CORIN: variants seen among roughly 807,000 people sequenced by gnomAD.
CORIN encodes corin, serine peptidase.
A neutral mutation model predicts 125.3 loss-of-function variants in CORIN; 117 were observed. The observed-to-expected ratio is 0.93, with a 90% CI of 0.80 to 1.09. The LOEUF (loss-of-function observed/expected upper bound fraction) is 1.09. Among genes scored for constraint, CORIN ranks in the 50% least tolerant of loss-of-function variants. CORIN has a pLI of 0.00. For missense variants in CORIN, 1,253 were observed against 1,306.7 expected, an observed-to-expected ratio of 0.96 and a Z score of 0.63; for synonymous variants, 450 against 466.4, an observed-to-expected ratio of 0.96 and a Z score of 0.45.
In CORIN at chr4:47,763,520, A is replaced by C. The variant is rs763610826; in HGVS notation, c.476T>G (p.Leu159Arg). ...MLPYHATLTPLLSVVRNMEME... is the reference protein window; with the variant it reads ...MLPYHATLTPRLSVVRNMEME... Reference sequence around the variant, plus strand: ...TTCCATGTTTCTGACAACTGAGAGGAGAGGTGTCAGCGTGGCGTGGTAGGG... The same window carrying C: ...TTCCATGTTTCTGACAACTGAGAGGCGAGGTGTCAGCGTGGCGTGGTAGGG... The change falls in exon 4 of 22, where the codon CTC (leucine) becomes CGC (arginine). Residue 159 changes from leucine (L) to arginine (R), a missense_variant. Transcript: ENST00000273857. 5 of 1,614,152 alleles carry C rather than the reference A, an allele frequency of 3.1e-6. No individual in the cohort carries two copies. The East Asian group carries it at 1.1e-4, about 36-fold the overall frequency.
chr4:47,695,531 T>A (rs1302913197), intron 5 of CORIN, among the ~76,000 whole-genome samples: 3 of 152,188 alleles, frequency 2.0e-5, no homozygotes, highest in African/African-American at 7.2e-5. Context: ...CAGCACAGCT[T>A]GCATTGTTTT....
intron 5 of CORIN, among the ~76,000 whole-genome samples, chr4:47,708,130 C>A (rs773780912): frequency 2.6e-5 from 4 of 152,064 alleles, no homozygotes; most frequent in African/African-American, 9.7e-5. Context: ...TCAAGAGGGC[C>A]GTATTAGTTT....
intron 16 of CORIN, among the ~76,000 whole-genome samples, chr4:47,630,463 A>C (rs566101191): frequency 6.6e-6 from 1 of 152,284 alleles, no homozygotes; most frequent in Admixed American, 6.5e-5. Context: ...TAGAAAGCAA[A>C]AGAGAAAATT....
intron 3 of CORIN, among the ~76,000 whole-genome samples, chr4:47,780,710 A>G (rs1436647488): frequency 1.3e-5 from 2 of 152,144 alleles, no homozygotes; most frequent in African/African-American, 4.8e-5. Context: ...TGATATAACT[A>G]TTTTGGAACT....
intron 13 of CORIN, among the ~76,000 whole-genome samples, chr4:47,651,484 G>A (rs1723729267): frequency 1.3e-5 from 2 of 152,176 alleles, no homozygotes; most frequent in African/African-American, 4.8e-5. Flanking sequence ...TTGAAGTGGT[G>A]TGTCCTCCCA....
chr4:47,652,346 T>C (rs189263185), intron 13 of CORIN, among the ~76,000 whole-genome samples: 4 of 152,316 alleles, frequency 2.6e-5, no homozygotes, highest in Non-Finnish European at 5.9e-5. Flanking sequence ...AGAAGGGCAA[T>C]GTTTACCACC....
At chr4:47,757,934 G>A (rs1443815850) in intron 4 of CORIN, among the ~76,000 whole-genome samples, 2 of 144,832 alleles carry the variant, frequency 1.4e-5, no homozygotes, top group African/African-American at 5.3e-5. Context: ...ATATATTTGA[G>A]ACAGAGTCTC....
intron 2 of CORIN, among the ~76,000 whole-genome samples, chr4:47,792,444 A>C (rs889886502): frequency 1.3e-5 from 2 of 152,234 alleles, no homozygotes; most frequent in African/African-American, 4.8e-5. Flanking sequence ...GTGAGAAAAG[A>C]GTAAGGCCTT....
intron 21 of CORIN, among the ~76,000 whole-genome samples, chr4:47,599,911 G>C (rs1420007496): frequency 6.6e-6 from 1 of 152,146 alleles, no homozygotes; most frequent in African/African-American, 2.4e-5. Flanking sequence ...ATTTATCCTA[G>C]CCACTAAAAT....
At chr4:47,722,733 G>T (rs1727408986) in intron 5 of CORIN, among the ~76,000 whole-genome samples, 1 of 152,136 alleles carries the variant, frequency 6.6e-6, no homozygotes, top group Non-Finnish European at 1.5e-5. Flanking sequence ...TGAAACGTGG[G>T]ATTCTAAGAT....
chr4:47,695,905 A>G (rs1725973603), intron 5 of CORIN, among the ~76,000 whole-genome samples: 1 of 152,202 alleles, frequency 6.6e-6, no homozygotes, highest in South Asian at 2.1e-4. Flanking sequence ...AATTAAGGAA[A>G]GATGAAAAAC....
chr4:47,666,193 T>C (rs1210227621), intron 10 of CORIN, among the ~76,000 whole-genome samples: 1 of 152,222 alleles, frequency 6.6e-6, no homozygotes. Flanking sequence ...ACTTCCAGAA[T>C]GAGTCTTTTG....
intron 1 of CORIN, among the ~76,000 whole-genome samples, chr4:47,809,284 T>C (rs1008661905): frequency 7.9e-5 from 12 of 151,906 alleles, no homozygotes; most frequent in African/African-American, 2.9e-4. Context: ...GTGGAGAAAA[T>C]GCTAGAGGCC....
chr4:47,706,742 G>C (rs1726583946), intron 5 of CORIN: 1 of 1,602,150 alleles, frequency 6.2e-7, no homozygotes, highest in Non-Finnish European at 8.5e-7. Flanking sequence ...GGTTGGTGAA[G>C]ATTCCACATA....
intron 5 of CORIN, among the ~76,000 whole-genome samples, chr4:47,720,116 A>G (rs934231547): frequency 1.3e-5 from 2 of 152,218 alleles, no homozygotes; most frequent in Non-Finnish European, 2.9e-5. Flanking sequence ...ATGTGCTACA[A>G]ATAAATAAAA....
chr4:47,722,489 G>C (rs1727395446), intron 5 of CORIN, among the ~76,000 whole-genome samples: 1 of 152,058 alleles, frequency 6.6e-6, no homozygotes, highest in African/African-American at 2.4e-5. Flanking sequence ...AAAACATCTG[G>C]AGTTCCAAAC....
chr4:47,727,322 A>G (rs766559515), intron 5 of CORIN, among the ~76,000 whole-genome samples: 2 of 152,072 alleles, frequency 1.3e-5, no homozygotes, highest in African/African-American at 4.8e-5. Flanking sequence ...AAAAGTAGGA[A>G]CACAATTGAT....
chr4:47,770,349 T>G (rs994634172), intron 3 of CORIN, among the ~76,000 whole-genome samples: 6 of 151,734 alleles, frequency 4.0e-5, no homozygotes, highest in African/African-American at 4.8e-5. Context: ...AAACAAAAAT[T>G]AAAAAATGAA....
intron 1 of CORIN, among the ~76,000 whole-genome samples, chr4:47,819,515 CGAGGAGTAATAAAGGCTAATAT>C: frequency 6.6e-6 from 1 of 152,066 alleles, no homozygotes; most frequent in Non-Finnish European, 1.5e-5. Flanking sequence ...AATCTCTTTA[CGAGGAGTAATAAAGGCTAATAT>C]GAGGAACCAA....
Sources: allele counts gnomAD v4.1 joint callset (sites outside exome capture counted in the v4.1 genomes callset), GRCh38; gene constraint gnomAD v4.1.1; transcripts MANE v1.5; gene names NCBI Gene and HGNC (gene_info 2026-07-23, HGNC 2026-07-21).